The following SHQ1 variants were observed in gnomAD, a reference collection of about 807,000 sequenced individuals.
SHQ1 encodes the protein protein SHQ1 homolog.
SHQ1 carries 49 observed loss-of-function variants against 53.8 expected under a neutral mutation model. That is an observed-to-expected ratio of 0.91 (90% CI 0.72 to 1.16). The LOEUF is 1.16. Among genes scored for constraint, SHQ1 ranks in the 50% most tolerant of loss-of-function variants. The pLI, the probability that SHQ1 is intolerant of heterozygous loss-of-function variation, is 0.00. For missense variants in SHQ1, 738 were observed against 683.1 expected, an observed-to-expected ratio of 1.08 and a Z score of -0.90; for synonymous variants, 243 against 251.0, an observed-to-expected ratio of 0.97 and a Z score of 0.30.
At chr3:72,785,465 A>G (rs1706202569) in intron 10 of SHQ1, among the ~76,000 whole-genome samples, 2 of 152,214 alleles carry the variant, frequency 1.3e-5, no homozygotes, top group Non-Finnish European at 2.9e-5. Context: ...ACCTCTTAAA[A>G]AACAAAAAGA....
rs199551642 is a variant in SHQ1, at chr3:72,841,071, G to T, written c.460C>A (p.Arg154=). Residue 154 remains arginine (R), a synonymous_variant, in exon 4 of 11, where the codon CGA becomes AGA. Transcript: ENST00000325599. ...TGTAACCGTTGCAACACTCCTGATC[G>T]TAAGTTTCCAAATCCATAGTGGCAC... The part of the protein sequence containing the change: ...PQCHYGFGNL[R]SGVLQRLQDE... 3 of 1,613,578 alleles carry T rather than the reference G, an allele frequency of 1.9e-6. No individual in the cohort carries two copies. The highest frequency in any genetic ancestry group is 3.3e-5 in the Admixed American group (2 of 59,884).
intron 5 of SHQ1, among the ~76,000 whole-genome samples, chr3:72,826,072 T>C (rs1559692134): frequency 6.6e-6 from 1 of 152,180 alleles, no homozygotes; most frequent in East Asian, 1.9e-4. Flanking sequence ...GTAAAAACCA[T>C]AGCTAGGATG....
chr3:72,841,035 G>A lies in SHQ1; in HGVS notation c.486+10C>T. 6.3e-7 allele frequency: 1 copy of A among 1,595,762 alleles called. No homozygotes were observed. Among genetic ancestry groups the A allele is most frequent in the Non-Finnish European group, 8.5e-7 (1 of 1,174,176 alleles). ...CCTATAGATCAAGATCTTTCAGAAA[G>A]ACAACATACCTGTAACCGTTGCAAC... On this transcript the variant is annotated intron_variant, in intron 4 of 10. Transcript: ENST00000325599.
the SHQ1 span, among the ~76,000 whole-genome samples, chr3:72,736,815 T>C: frequency 7.2e-6 from 1 of 139,606 alleles, no homozygotes; most frequent in Admixed American, 7.1e-5. Context: ...AAAAAGAAAT[T>C]AAAAGATCCT....
chr3:72,827,942 A>C (rs2106910978), intron 5 of SHQ1, among the ~76,000 whole-genome samples: 1 of 151,776 alleles, frequency 6.6e-6, no homozygotes, highest in Middle Eastern at 3.4e-3. Flanking sequence ...TTTTTAGTAG[A>C]GATGGGGTTT....
rs779995139 is a variant in SHQ1, at chr3:72,749,400, T to C, written c.*884A>G. On this transcript the variant is annotated 3_prime_UTR_variant, in exon 11 of 11. Coordinates refer to ENST00000325599, the MANE Select transcript of SHQ1 (RefSeq NM_018130.3). ...AAGCAGTACTCAGCAATGAAAAACA[T>C]AAAAACAAAAACTCGTGACACATGC... 8.9e-6 allele frequency: 2 copies of C among 225,918 alleles called. No homozygotes were observed. Among genetic ancestry groups the C allele is most frequent in the Non-Finnish European group, 1.8e-5 (2 of 113,504 alleles). 14.0% of individuals were successfully genotyped at this position (225,918 alleles called of 1,614,324 possible).
intron 10 of SHQ1, among the ~76,000 whole-genome samples, chr3:72,770,054 G>GC (rs1296025500): frequency 6.6e-6 from 1 of 152,212 alleles, no homozygotes; most frequent in Non-Finnish European, 1.5e-5. Context: ...TATGCAGTAA[G>GC]CCCTTGATAA....
intron 10 of SHQ1, among the ~76,000 whole-genome samples, chr3:72,770,446 T>C (rs1274144415): frequency 1.3e-5 from 2 of 152,104 alleles, no homozygotes; most frequent in Admixed American, 6.5e-5. Flanking sequence ...TTGTGGACCA[T>C]GGCTTAAGAT....
Position 72,750,502 on chromosome 3 carries a change from C to G in SHQ1, c.1516G>C (p.Asp506His), listed in dbSNP as rs187307658. 6.2e-7 allele frequency: 1 copy of G among 1,614,070 alleles called. No homozygotes were observed. The highest frequency in any genetic ancestry group is 1.3e-5 in the African/African-American group (1 of 74,910). The stretch of plus-strand genomic sequence containing the variant: ...GCTGTGTTTCTGCGTACTCCACCAT[C>G]AACAATAAGAAAGGCACTGCTTTCT... The part of the protein sequence containing the change: ...LEESSAFLIV[D>H]GGVRRNTAIQ... Residue 506 changes from aspartate to histidine, a missense_variant, in exon 11 of 11, where the codon GAT becomes CAT. Transcript: ENST00000325599.
At chr3:72,817,459 T>C (rs940822720) in intron 6 of SHQ1, 75 bp from the exon 7 acceptor site, 1 of 1,373,380 alleles carries the variant, frequency 7.3e-7, no homozygotes, top group African/African-American at 1.5e-5. Context: ...TTTGTCAAAA[T>C]TAGAACTTTG....
At chr3:72,760,257 T>C (rs991594024) in intron 10 of SHQ1, among the ~76,000 whole-genome samples, 3 of 152,166 alleles carry the variant, frequency 2.0e-5, no homozygotes, top group African/African-American at 7.2e-5. Flanking sequence ...ACTGGCAAGA[T>C]GGATGGGAAA....
chr3:72,725,871 G>GA, the SHQ1 span, among the ~76,000 whole-genome samples: 1 of 152,058 alleles, frequency 6.6e-6, no homozygotes, highest in East Asian at 1.9e-4. Flanking sequence ...ATGGGCAGAA[G>GA]AAAAAAATAA....
At chr3:72,804,818 C>T (rs1187185657) in intron 9 of SHQ1, among the ~76,000 whole-genome samples, 1 of 152,186 alleles carries the variant, frequency 6.6e-6, no homozygotes, top group East Asian at 1.9e-4. Context: ...TTATGCCATA[C>T]TGTACCCCAG....
At chr3:72,736,471 C>T in the SHQ1 span, among the ~76,000 whole-genome samples, 1 of 143,038 alleles carries the variant, frequency 7.0e-6, no homozygotes, top group African/African-American at 2.6e-5. Flanking sequence ...AAATTCTTTT[C>T]AATCATTAAA....
At chr3:72,816,096 T>C (rs1707307720) in intron 7 of SHQ1, among the ~76,000 whole-genome samples, 1 of 152,178 alleles carries the variant, frequency 6.6e-6, no homozygotes, top group African/African-American at 2.4e-5. Flanking sequence ...AATAGTCATC[T>C]TGGAGTCAGA....
chr3:72,794,635 C>T (rs995551329), intron 9 of SHQ1: 2 of 152,242 alleles, frequency 1.3e-5, no homozygotes, highest in Non-Finnish European at 2.9e-5. Flanking sequence ...AGATTCCAGA[C>T]TCTACCCCTT....
intron 10 of SHQ1, among the ~76,000 whole-genome samples, chr3:72,772,096 A>T (rs1380298606): frequency 6.6e-6 from 1 of 152,206 alleles, no homozygotes; most frequent in Non-Finnish European, 1.5e-5. Context: ...GATAGTCATC[A>T]TCAAGAGGAG....
At chr3:72,800,496 A>G (rs1706754905) in intron 9 of SHQ1, among the ~76,000 whole-genome samples, 1 of 152,224 alleles carries the variant, frequency 6.6e-6, no homozygotes, top group Non-Finnish European at 1.5e-5. Flanking sequence ...CAGAACTGGA[A>G]ATAAGTTGTC....
intron 10 of SHQ1, among the ~76,000 whole-genome samples, chr3:72,776,877 C>A (rs566758697): frequency 2.6e-5 from 4 of 151,390 alleles, no homozygotes; most frequent in Non-Finnish European, 4.4e-5. Context: ...ATCAGTGGGG[C>A]TGAACAGACA....
Sources: allele counts gnomAD v4.1 joint callset (sites outside exome capture counted in the v4.1 genomes callset), GRCh38; gene constraint gnomAD v4.1.1; transcripts MANE v1.5; gene names NCBI Gene and HGNC (gene_info 2026-07-23, HGNC 2026-07-21).